The following AQR variants were observed in gnomAD, a reference collection of about 807,000 sequenced individuals.
AQR encodes aquarius intron-binding spliceosomal factor, also known as RNA helicase aquarius.
Under a neutral mutation model 180.5 loss-of-function variants are expected in AQR, and 61 were observed. The observed-to-expected ratio is 0.34, with a 90% CI of 0.28 to 0.42. AQR has a LOEUF of 0.42. AQR is among the 10% of genes least tolerant of loss of function. AQR has a pLI of 1.00. For missense variants in AQR, 1,281 were observed against 1,798.3 expected (o/e 0.71, Z 5.20); for synonymous variants, 551 against 588.8 (o/e 0.94, Z 0.93).
intron 15 of AQR, 41 bp downstream of exon 15, chr15:34,918,217 T>C (rs935631229): frequency 5.2e-5 from 83 of 1,595,462 alleles, no homozygotes; most frequent in Non-Finnish European, 6.5e-5. Context: ...AAATCTGAAA[T>C]TGTTTCATTG....
rs1483383904 is a variant in AQR, at chr15:34,862,940, G to A, written c.3956C>T (p.Ala1319Val). The A allele has an allele frequency of 1.2e-6, 2 of 1,613,900 alleles. No homozygotes were observed. Among genetic ancestry groups the A allele is most frequent in the Non-Finnish European group, 1.7e-6 (2 of 1,179,868 alleles). Reference protein sequence around the residue: ...LFQNCFELTPAFSQLTARPLH... With the variant: ...LFQNCFELTPVFSQLTARPLH... ...GGGGCGAGCTGTGAGCTGACTGAAA[G>A]CTGGAGTCAGTTCAAAACAGTTTTG... The change falls in exon 33 of 35, where the codon GCT becomes GTT. Residue 1319 changes from alanine to valine, a missense_variant. Ala to Val is a moderately conservative substitution (Grantham distance 64, BLOSUM62 0). Transcript: ENST00000156471.
intron 12 of AQR, among the ~76,000 whole-genome samples, chr15:34,928,287 T>C (rs1893795270): frequency 4.6e-5 from 7 of 152,058 alleles, no homozygotes; most frequent in Admixed American, 4.6e-4. Flanking sequence ...GTTACATAGG[T>C]ATACATGTGC....
chr15:34,899,155 G>A (rs1032575634), intron 20 of AQR, among the ~76,000 whole-genome samples: 2 of 151,962 alleles, frequency 1.3e-5, no homozygotes, highest in East Asian at 3.9e-4. Context: ...CTGGGCGACA[G>A]AGCAAGACTC....
chr15:34,910,076 C>G (rs1026204515), intron 17 of AQR, 59 bp downstream of exon 17: 6 of 1,561,460 alleles, frequency 3.8e-6, no homozygotes, highest in Non-Finnish European at 4.4e-6. Context: ...TGTTAATGCT[C>G]TAAGTGAAAG....
intron 1 of AQR, among the ~76,000 whole-genome samples, chr15:34,965,627 A>C (rs923338788): frequency 2.6e-5 from 4 of 151,950 alleles, no homozygotes; most frequent in Non-Finnish European, 4.4e-5. Context: ...GCCAACACCA[A>C]GCCACTGCAC....
At chr15:34,882,854 A>C (rs1035545306) in intron 26 of AQR, among the ~76,000 whole-genome samples, 8 of 152,222 alleles carry the variant, frequency 5.3e-5, no homozygotes, top group African/African-American at 1.9e-4. Context: ...TTTGTATGTA[A>C]CGTAAAATAT....
intron 1 of AQR, among the ~76,000 whole-genome samples, chr15:34,968,040 C>G (rs1370880400): frequency 6.6e-6 from 1 of 151,962 alleles, no homozygotes; most frequent in Non-Finnish European, 1.5e-5. Context: ...CTCGAACTCC[C>G]GACCTCAGGT....
chr15:34,942,491 C>T (rs1894039465), intron 6 of AQR, among the ~76,000 whole-genome samples: 1 of 152,056 alleles, frequency 6.6e-6, no homozygotes, highest in Non-Finnish European at 1.5e-5. Flanking sequence ...TTTTTTGGCA[C>T]GCTTGTGCTT....
At chr15:34,868,395 T>A (rs1892769853) in intron 31 of AQR, 1 of 152,018 alleles carries the variant, frequency 6.6e-6, no homozygotes, top group South Asian at 2.1e-4. Flanking sequence ...CAGAAAGGTT[T>A]CAGTCACTAA....
chr15:34,919,164 G>A (rs920104062), intron 14 of AQR, among the ~76,000 whole-genome samples: 7 of 151,342 alleles, frequency 4.6e-5, no homozygotes, highest in African/African-American at 7.3e-5. Context: ...GCTTGAACCC[G>A]GGAGGCGGAA....
chr15:34,860,748 A>G (rs770621394), intron 33 of AQR, among the ~76,000 whole-genome samples: 1 of 152,236 alleles, frequency 6.6e-6, no homozygotes, highest in South Asian at 2.1e-4. Flanking sequence ...TTTAACACAT[A>G]TACTATGAGT....
Position 34,927,158 on chromosome 15 carries a change from A to T in AQR, c.1015-20T>A, listed in dbSNP as rs762346132. ...AGCTCTCTAGAAAATAATGGCAAAA[A>T]ATATTAATAATTAATGTCTACATAT... On this transcript the variant is annotated intron_variant, in intron 12 of 34. Transcript: ENST00000156471. 1.2e-5 allele frequency: 17 copies of T among 1,391,634 alleles called. No homozygotes were observed. The highest frequency in any genetic ancestry group is 1.6e-5 in the Non-Finnish European group (16 of 1,010,568). The allele number at this position is 1,391,634 out of a possible 1,614,324, so 86.2% of individuals were successfully genotyped here. A position where few individuals can be genotyped will look rare whatever the true frequency, so the allele number is the denominator to read the frequency against.
intron 3 of AQR, among the ~76,000 whole-genome samples, chr15:34,955,597 T>G (rs949778557): frequency 4.6e-5 from 7 of 151,884 alleles, no homozygotes; most frequent in African/African-American, 7.3e-5. Context: ...AAACAACAAG[T>G]AATAACAGTG....
intron 34 of AQR, among the ~76,000 whole-genome samples, chr15:34,858,018 C>G (rs1454407205): frequency 6.6e-6 from 1 of 152,148 alleles, no homozygotes; most frequent in African/African-American, 2.4e-5. Flanking sequence ...GAGTCCCACT[C>G]TGTCGCCCAA....
At chr15:34,907,170 A>G (rs1893430849) in intron 17 of AQR, among the ~76,000 whole-genome samples, 1 of 152,236 alleles carries the variant, frequency 6.6e-6, no homozygotes, top group East Asian at 1.9e-4. Flanking sequence ...AAACAGGTCA[A>G]CTCAAGAATA....
At chr15:34,861,686 A>G (rs997941516) in intron 33 of AQR, among the ~76,000 whole-genome samples, 3 of 152,328 alleles carry the variant, frequency 2.0e-5, no homozygotes, top group South Asian at 2.1e-4. Flanking sequence ...AAACTCGGAT[A>G]TAATAGGATT....
At chr15:34,891,019 A>G (rs952828351) in intron 23 of AQR, among the ~76,000 whole-genome samples, 2 of 152,168 alleles carry the variant, frequency 1.3e-5, no homozygotes, top group Non-Finnish European at 2.9e-5. Context: ...TTTAAAAATA[A>G]GCCGCCATTC....
intron 23 of AQR, among the ~76,000 whole-genome samples, chr15:34,890,860 T>C (rs1028726435): frequency 2.0e-5 from 3 of 152,204 alleles, no homozygotes; most frequent in Admixed American, 6.5e-5. Flanking sequence ...ATGAAAGTCA[T>C]TTAAAAGTCA....
chr15:34,954,861 C>T (rs750657645), intron 3 of AQR, among the ~76,000 whole-genome samples: 5 of 152,096 alleles, frequency 3.3e-5, no homozygotes, highest in Admixed American at 2.0e-4. Context: ...TGGTGGCTCA[C>T]GCCTGTAATC....
Sources: gnomAD v4.1 joint callset for allele counts (sites outside exome capture counted in the v4.1 genomes callset) on GRCh38, gnomAD v4.1.1 for gene constraint, MANE v1.5 for transcripts, NCBI Gene and HGNC (gene_info 2026-07-23, HGNC 2026-07-21) for gene names.